The following GUCY1A2 variants were observed in gnomAD, a reference collection of about 807,000 sequenced individuals.
The protein encoded by GUCY1A2 is guanylate cyclase soluble subunit alpha-2.
Under a neutral mutation model 63.5 loss-of-function variants are expected in GUCY1A2, and 27 were observed. The ratio of observed to expected loss-of-function variants is 0.43; its 90% CI spans 0.31 to 0.59. The LOEUF (loss-of-function observed/expected upper bound fraction) is 0.59. Ranked by LOEUF, GUCY1A2 falls within the 20% of genes least tolerant of loss-of-function variation. GUCY1A2 has a pLI of 0.11. For synonymous variants in GUCY1A2, 364 were observed against 343.5 expected (o/e 1.06, Z -0.66); for missense variants, 768 against 913.3 (o/e 0.84, Z 2.05).
chr11:106,929,628 T>A (rs1353230827), intron 4 of GUCY1A2, among the ~76,000 whole-genome samples: 1 of 152,178 alleles, frequency 6.6e-6, no homozygotes, highest in African/African-American at 2.4e-5. Flanking sequence ...AAGTTTGGGT[T>A]CCCTTTATGA....
chr11:106,767,771 A>C (rs1864188631), intron 6 of GUCY1A2, among the ~76,000 whole-genome samples: 1 of 152,182 alleles, frequency 6.6e-6, no homozygotes, highest in African/African-American at 2.4e-5. Context: ...TCTATAATTA[A>C]AACAAATAAT....
chr11:106,881,281 GATGA>G (rs1169638974), intron 4 of GUCY1A2, among the ~76,000 whole-genome samples: 4 of 152,012 alleles, frequency 2.6e-5, no homozygotes, highest in Non-Finnish European at 5.9e-5. Context: ...ATGTTCAAAG[GATGA>G]ATGAATTACA....
chr11:106,951,896 CTTGAG>C (rs1157214268), intron 3 of GUCY1A2, among the ~76,000 whole-genome samples: 1 of 152,146 alleles, frequency 6.6e-6, no homozygotes, highest in Non-Finnish European at 1.5e-5. Context: ...TTCAATCCAT[CTTGAG>C]TTAATTTTTG....
At chr11:106,962,685 T>C (rs1861074580) in intron 3 of GUCY1A2, among the ~76,000 whole-genome samples, 1 of 151,408 alleles carries the variant, frequency 6.6e-6, no homozygotes, top group Non-Finnish European at 1.5e-5. Context: ...CTTAAAATTT[T>C]TAATTTCAAA....
intron 2 of GUCY1A2, among the ~76,000 whole-genome samples, chr11:106,983,459 C>T (rs907893664): frequency 5.9e-5 from 9 of 152,186 alleles, no homozygotes; most frequent in South Asian, 2.1e-4. Flanking sequence ...AGCTGCTCTC[C>T]GCGTTGAAGT....
chr11:106,813,988 G>A (rs1326280907), intron 4 of GUCY1A2, among the ~76,000 whole-genome samples: 1 of 152,018 alleles, frequency 6.6e-6, no homozygotes, highest in Non-Finnish European at 1.5e-5. Flanking sequence ...TAAGCAGTAA[G>A]GTCAACACTC....
chr11:106,975,413 G>T (rs1416992752), intron 3 of GUCY1A2, among the ~76,000 whole-genome samples: 2 of 152,126 alleles, frequency 1.3e-5, no homozygotes, highest in Non-Finnish European at 2.9e-5. Context: ...GGCTAGAAAA[G>T]ATTTTCTATT....
chr11:106,868,155 T>C (rs1243907802), intron 4 of GUCY1A2, among the ~76,000 whole-genome samples: 1 of 152,016 alleles, frequency 6.6e-6, no homozygotes. Context: ...AATCTAAAAT[T>C]TGGTAGCTAT....
At chr11:106,792,189 C>T (rs183781634) in intron 5 of GUCY1A2, among the ~76,000 whole-genome samples, 114 of 152,014 alleles carry the variant, frequency 7.5e-4, no homozygotes, top group African/African-American at 2.6e-3. Context: ...AGTTCGAGAC[C>T]AGCTTGGCCA....
intron 6 of GUCY1A2, among the ~76,000 whole-genome samples, chr11:106,728,384 A>G (rs550396953): frequency 3.9e-5 from 6 of 152,304 alleles, no homozygotes; most frequent in African/African-American, 1.4e-4. Flanking sequence ...TAGTACATAT[A>G]TATCATAGTA....
intron 4 of GUCY1A2, among the ~76,000 whole-genome samples, chr11:106,876,797 A>T (rs1400429796): frequency 6.6e-6 from 1 of 152,054 alleles, no homozygotes; most frequent in African/African-American, 2.4e-5. Flanking sequence ...GCTTATTTCA[A>T]CTTCCGTAAC....
At chr11:106,694,926 C>G (rs766848268) in intron 7 of GUCY1A2, among the ~76,000 whole-genome samples, 3 of 152,002 alleles carry the variant, frequency 2.0e-5, no homozygotes, top group Non-Finnish European at 4.4e-5. Context: ...TATTTTCTAC[C>G]CTTGTACTTT....
intron 3 of GUCY1A2, among the ~76,000 whole-genome samples, chr11:106,976,251 C>CA (rs879441255): frequency 3.2e-4 from 48 of 149,718 alleles, no homozygotes; most frequent in Non-Finnish European, 5.1e-4. Flanking sequence ...TTCTGCCATC[C>CA]AAAAAAAAAG....
chr11:106,974,275 G>C (rs1362757899), intron 3 of GUCY1A2, among the ~76,000 whole-genome samples: 1 of 151,980 alleles, frequency 6.6e-6, no homozygotes, highest in Non-Finnish European at 1.5e-5. Flanking sequence ...CAATAAATAT[G>C]GTAAGTTGTT....
At chr11:106,961,238 C>A (rs186131452) in intron 3 of GUCY1A2, among the ~76,000 whole-genome samples, 74 of 152,030 alleles carry the variant, frequency 4.9e-4, no homozygotes, top group African/African-American at 1.4e-3. Context: ...AGGCACTCCA[C>A]TTCTTAGAGA....
chr11:106,853,549 A>G (rs1013804779), intron 4 of GUCY1A2, among the ~76,000 whole-genome samples: 1 of 151,732 alleles, frequency 6.6e-6, no homozygotes, highest in Non-Finnish European at 1.5e-5. Flanking sequence ...GCCATAAATT[A>G]TTTTTCTTAT....
intron 4 of GUCY1A2, among the ~76,000 whole-genome samples, chr11:106,899,432 T>C (rs1057456629): frequency 2.0e-5 from 3 of 152,214 alleles, no homozygotes; most frequent in African/African-American, 7.2e-5. Flanking sequence ...GCATGCTGTT[T>C]CCATGGAGAG....
At chr11:106,836,157 T>C (rs1859114540) in intron 4 of GUCY1A2, among the ~76,000 whole-genome samples, 2 of 151,906 alleles carry the variant, frequency 1.3e-5, no homozygotes, top group Non-Finnish European at 2.9e-5. Context: ...AACATGGGGA[T>C]TGGGAGCGCT....
chr11:106,962,888 T>C (rs943442854), intron 3 of GUCY1A2, among the ~76,000 whole-genome samples: 2 of 151,840 alleles, frequency 1.3e-5, no homozygotes, highest in African/African-American at 4.8e-5. Context: ...ATATCCATCA[T>C]GTGCTTATGC....
Sources: gnomAD v4.1 joint callset for allele counts (sites outside exome capture counted in the v4.1 genomes callset) on GRCh38, gnomAD v4.1.1 for gene constraint, MANE v1.5 for transcripts, NCBI Gene and HGNC (gene_info 2026-07-23, HGNC 2026-07-21) for gene names.